The following BRD1 variants were observed in gnomAD, a reference collection of about 807,000 sequenced individuals.
BRD1 encodes the protein bromodomain-containing protein 1.
In BRD1, 24 loss-of-function variants were observed where a neutral mutation model predicts 107.7. The ratio of observed to expected loss-of-function variants is 0.22; its 90% CI spans 0.16 to 0.31. The LOEUF (loss-of-function observed/expected upper bound fraction) is 0.31. Among genes scored for constraint, BRD1 ranks in the 10% least tolerant of loss-of-function variants. The probability of loss-of-function intolerance (pLI) is 1.00; values close to 1 mark genes in which losing one functional copy is unlikely to be tolerated. For missense variants in BRD1, 1,279 were observed against 1,638.6 expected (o/e 0.78, Z 3.79); for synonymous variants, 744 against 686.1 (o/e 1.08, Z -1.32).
intron 2 of BRD1, among the ~76,000 whole-genome samples, chr22:49,811,417 C>T (rs1357535811): frequency 6.6e-6 from 1 of 152,116 alleles, no homozygotes; most frequent in African/African-American, 2.4e-5. Context: ...TGACAAGAGT[C>T]CCCCCTTAAC....
chr22:49,791,949 A>G (rs1240991575), intron 7 of BRD1, among the ~76,000 whole-genome samples: 1 of 152,006 alleles, frequency 6.6e-6, no homozygotes, highest in African/African-American at 2.4e-5. Context: ...ATGGCCCCAG[A>G]AAAAAAATAA....
Position 49,824,349 on chromosome 22 carries a change from G to C in BRD1, c.-14-18C>G, listed in dbSNP as rs746472046. ...ATGATTACCTAAAATGAAGGCAAAA[G>C]TAAAGGTAATTCTACGCAGGGTGAC... is the stretch of plus-strand genomic sequence containing the variant. On this transcript the variant is annotated intron_variant, in intron 1 of 12. Transcript: ENST00000404760. The surrounding 1 kb of genome is among the most constrained non-coding windows in gnomAD (Gnocchi z 5.9). 13 of 1,608,018 alleles carry C rather than the reference G, an allele frequency of 8.1e-6. No homozygotes were observed. In the African/African-American group the frequency reaches 1.1e-4, roughly 13 times the overall value.
At position 49,804,154 on chromosome 22, in the gene BRD1, G is replaced by C. The variant is rs367855343; in HGVS notation, c.1524+50C>G. 19 of 1,498,610 alleles carry C rather than the reference G, an allele frequency of 1.3e-5. 1 individual carries two copies. In the African/African-American group the frequency reaches 2.6e-4, roughly 21 times the overall value. The allele number at this position is 1,498,610 out of a possible 1,614,324, so 92.8% of individuals were successfully genotyped here. ...CTGAACCAGGTGCCCTCTCCCTGGA[G>C]GGTGGGGGTGAGAGACGCAGAAAGG... On this transcript the variant is annotated intron_variant, in intron 3 of 12. Transcript: ENST00000404760.
chr22:49,800,522 C>A (rs113582030), intron 3 of BRD1, among the ~76,000 whole-genome samples: 1 of 152,178 alleles, frequency 6.6e-6, no homozygotes, highest in South Asian at 2.1e-4. Context: ...GCCAAAAGGA[C>A]ATTTGGCCTG....
chr22:49,823,533 A>G lies in BRD1; in HGVS notation c.785T>C (p.Leu262Pro). ...PEGQWLCRHC[L>P]QSRARPADCV... ...GTCGGCGGGCCGGGCCCGCGACTGC[A>G]GGCAGTGGCGGCAGAGCCACTGGCC... The change falls in exon 2 of 13, where the codon CTG (leucine) becomes CCG (proline). Residue 262 changes from leucine (L) to proline (P), a missense_variant. This residue lies in a region of BRD1 where 158 missense variants were observed against 310.2 expected (regional missense o/e 0.51). Coordinates refer to ENST00000404760, the MANE Select transcript of BRD1 (RefSeq NM_001304808.3). 6.2e-7 allele frequency: 1 copy of G among 1,601,104 alleles called. No homozygotes were observed. The highest frequency in any genetic ancestry group is 8.5e-7 in the Non-Finnish European group (1 of 1,172,934).
rs1415714397 is a variant in BRD1, at chr22:49,792,414, A to G, written c.2359+1620T>C. ...GCACGGAAGCAAAGGCTGCGGGACC[A>G]GGCACCAGCCTGGACTCCTGGGCAC... On this transcript the variant is annotated intron_variant, in intron 7 of 12. Transcript: ENST00000404760. This position sits in a 1 kb window ranked among gnomAD's most constrained non-coding sequence, Gnocchi z 4.2. Among the ~76,000 whole-genome samples the G allele has an allele frequency of 1.3e-5, 2 of 152,202 alleles. No homozygotes were observed. The highest frequency in any genetic ancestry group is 2.9e-5 in the Non-Finnish European group (2 of 68,036).
intron 8 of BRD1, among the ~76,000 whole-genome samples, chr22:49,785,199 C>T (rs557873719): frequency 2.0e-5 from 3 of 152,356 alleles, no homozygotes; most frequent in East Asian, 1.9e-4. Context: ...GGCCGCCAGC[C>T]GGCAAAACTG....
At chr22:49,808,533 G>A (rs2059788223) in intron 2 of BRD1, among the ~76,000 whole-genome samples, 1 of 152,186 alleles carries the variant, frequency 6.6e-6, no homozygotes, top group Non-Finnish European at 1.5e-5. Context: ...GAGGAATGGG[G>A]AGTTCCTGTT....
chr22:49,826,824 G>A (rs904630235), intron 1 of BRD1, among the ~76,000 whole-genome samples: 1 of 152,224 alleles, frequency 6.6e-6, no homozygotes, highest in Non-Finnish European at 1.5e-5. Context: ...GCGGGGCAGG[G>A]GGTCCCGCTG....
Position 49,827,529 on chromosome 22 carries a change from A to C in BRD1, c.-47T>G, listed in dbSNP as rs2060159719. On this transcript the variant is annotated 5_prime_UTR_variant, in exon 1 of 13. Coordinates refer to ENST00000404760, the MANE Select transcript of BRD1 (RefSeq NM_001304808.3). ...GCGCCGCGGCCGCGGGAGCCCGGCA[A>C]GCGGGCGGGCGCGGGGGCCGGCGCG... The C allele has an allele frequency of 7.1e-6, 1 of 141,456 alleles. No individual in the cohort carries two copies. Among genetic ancestry groups the C allele is most frequent in the Non-Finnish European group, 1.6e-5 (1 of 64,324 alleles). 8.8% of individuals were successfully genotyped at this position (141,456 alleles called of 1,614,324 possible).
rs377246123 is a variant in BRD1, at chr22:49,813,700, C to A, written c.1367+9251G>T. ...TACAAAAATTAGCCAGGTGTGGTGGCAGGCGCCTGTAATGCCAGTTACTCG... is the reference window on the plus strand; with the variant it reads ...TACAAAAATTAGCCAGGTGTGGTGGAAGGCGCCTGTAATGCCAGTTACTCG... On this transcript the variant is annotated intron_variant, in intron 2 of 12. Transcript: ENST00000404760. Among the ~76,000 whole-genome samples the A allele has an allele frequency of 4.6e-5, 7 of 151,730 alleles. No individual in the cohort carries two copies. The East Asian group carries it at 5.9e-4, about 13-fold the overall frequency.
At chr22:49,821,955 C>A (rs1438222009) in intron 2 of BRD1, among the ~76,000 whole-genome samples, 2 of 152,254 alleles carry the variant, frequency 1.3e-5, no homozygotes, top group African/African-American at 2.4e-5. Flanking sequence ...TTCCTCAGGG[C>A]ATCTGCAGCA....
intron 2 of BRD1, among the ~76,000 whole-genome samples, chr22:49,815,156 G>A (rs2059925608): frequency 6.6e-6 from 1 of 152,232 alleles, no homozygotes; most frequent in African/African-American, 2.4e-5. Flanking sequence ...AGAGGAAGGT[G>A]CGGTGAGGCC....
chr22:49,814,722 C>T (rs1034964676), intron 2 of BRD1, among the ~76,000 whole-genome samples: 11 of 152,192 alleles, frequency 7.2e-5, no homozygotes, highest in African/African-American at 2.7e-4. Flanking sequence ...TCAGGAAAGC[C>T]ACCATCGCCT....
intron 5 of BRD1, 83 bp downstream of exon 5, chr22:49,798,475 C>T: frequency 6.2e-7 from 1 of 1,602,676 alleles, no homozygotes; most frequent in Non-Finnish European, 8.5e-7. Flanking sequence ...GTACTCTAGC[C>T]AATCACACGT....
At position 49,792,404 on chromosome 22, in the gene BRD1, C is replaced by T. The variant is rs1328645255; in HGVS notation, c.2359+1630G>A. 6.6e-6 allele frequency among the ~76,000 whole-genome samples: 1 copy of T among 152,084 alleles called. No individual in the cohort carries two copies. Among genetic ancestry groups the T allele is most frequent in the Non-Finnish European group, 1.5e-5 (1 of 68,010 alleles). ...TCGGTGGGCTGCACGGAAGCAAAGG[C>T]TGCGGGACCAGGCACCAGCCTGGAC... On this transcript the variant is annotated intron_variant, in intron 7 of 12. Transcript: ENST00000404760. This position sits in a 1 kb window ranked among gnomAD's most constrained non-coding sequence, Gnocchi z 4.2.
intron 8 of BRD1, among the ~76,000 whole-genome samples, chr22:49,779,676 C>T (rs2059166858): frequency 6.6e-6 from 1 of 152,158 alleles, no homozygotes; most frequent in African/African-American, 2.4e-5. Flanking sequence ...ATACTCATCA[C>T]AGAGTGGGCT....
intron 7 of BRD1, among the ~76,000 whole-genome samples, chr22:49,793,017 T>C (rs2059463451): frequency 6.6e-6 from 1 of 152,174 alleles, no homozygotes; most frequent in African/African-American, 2.4e-5. Context: ...AACAATTCTG[T>C]GTCTTATTTC....
At chr22:49,785,369 C>T (rs770663179) in intron 8 of BRD1, among the ~76,000 whole-genome samples, 17 of 152,266 alleles carry the variant, frequency 1.1e-4, no homozygotes, top group Non-Finnish European at 1.8e-4. Context: ...ATACCTCTGC[C>T]GCCGACAGAC....
Sources: gnomAD v4.1 joint callset for allele counts (sites outside exome capture counted in the v4.1 genomes callset) on GRCh38, gnomAD v4.1.1 for gene constraint, gnomAD v4.1.1 regional missense constraint, Gnocchi (gnomAD v3.1) non-coding constraint, MANE v1.5 for transcripts, NCBI Gene and HGNC (gene_info 2026-07-23, HGNC 2026-07-21) for gene names.